MRPS6: variants seen among roughly 807,000 people sequenced by gnomAD.
The protein encoded by MRPS6 is small ribosomal subunit protein bS6m.
MRPS6 carries 6 observed loss-of-function variants against 13.1 expected under a neutral mutation model. That is an observed-to-expected ratio of 0.46 (90% CI 0.25 to 0.91). The LOEUF (loss-of-function observed/expected upper bound fraction) is 0.91. Among genes scored for constraint, MRPS6 ranks in the 40% least tolerant of loss-of-function variants. MRPS6 has a pLI of 0.18. For missense variants in MRPS6, 164 were observed against 155.6 expected (o/e 1.05, Z -0.29); for synonymous variants, 61 against 56.5 (o/e 1.08, Z -0.36).
At chr21:34,099,312 G>A in intron 1 of MRPS6, 1 of 1,000,178 alleles carries the variant, frequency 1.0e-6, no homozygotes, top group Non-Finnish European at 1.2e-6. Context: ...TCTCTTTTGG[G>A]AAGAACAGAA....
intron 1 of MRPS6, chr21:34,105,865 A>T (rs1001139876): frequency 1.0e-6 from 1 of 993,752 alleles, no homozygotes; most frequent in African/African-American, 1.7e-5. Flanking sequence ...GTACAGTTGA[A>T]ATTGTAGATT....
chr21:34,080,525 T>C (rs1989435035), intron 1 of MRPS6, among the ~76,000 whole-genome samples: 1 of 152,196 alleles, frequency 6.6e-6, no homozygotes, highest in Non-Finnish European at 1.5e-5. Flanking sequence ...AAAACCAGTC[T>C]CATGTTCTTC....
intron 2 of MRPS6, among the ~76,000 whole-genome samples, chr21:34,140,223 CT>C (rs1041220314): frequency 1.6e-3 from 228 of 146,510 alleles, no homozygotes; most frequent in Middle Eastern, 3.5e-3. Flanking sequence ...GATTCGAGGC[CT>C]TTTTTTTTTT....
chr21:34,073,930 G>A (rs1469915989), intron 1 of MRPS6, among the ~76,000 whole-genome samples, 185 bp downstream of exon 1: 1 of 145,384 alleles, frequency 6.9e-6, no homozygotes, highest in East Asian at 2.0e-4. Flanking sequence ...GCCGGGCCCG[G>A]CCGCGTGCGC....
At chr21:34,103,089 T>TCAAC in intron 1 of MRPS6, 1 of 1,000,120 alleles carries the variant, frequency 1.0e-6, no homozygotes, top group Non-Finnish European at 1.2e-6. Flanking sequence ...TTTTTGTTGT[T>TCAAC]ATAATTGGAA....
At chr21:34,112,845 A>G (rs1979758596) in intron 1 of MRPS6, among the ~76,000 whole-genome samples, 1 of 152,034 alleles carries the variant, frequency 6.6e-6, no homozygotes, top group African/African-American at 2.4e-5. Context: ...CATTTAACAT[A>G]ATTCAGAGAA....
intron 2 of MRPS6, among the ~76,000 whole-genome samples, chr21:34,134,275 G>GT (rs1980608885): frequency 1.3e-5 from 2 of 152,348 alleles, no homozygotes; most frequent in African/African-American, 4.8e-5. Context: ...AGTTTTCAGA[G>GT]TGAGCCCAAG....
chr21:34,110,493 A>G (rs1258887635), intron 1 of MRPS6, among the ~76,000 whole-genome samples: 2 of 151,118 alleles, frequency 1.3e-5, no homozygotes, highest in African/African-American at 4.9e-5. Context: ...ATTAAAAAGA[A>G]AAAAAAAAGG....
At chr21:34,099,081 A>G in intron 1 of MRPS6, 2 of 999,674 alleles carry the variant, frequency 2.0e-6, no homozygotes, top group African/African-American at 3.5e-5. Flanking sequence ...GTCAGGTAGC[A>G]TAGTGTCTTC....
chr21:34,098,969 T>C, intron 1 of MRPS6: 1 of 986,626 alleles, frequency 1.0e-6, no homozygotes, highest in Non-Finnish European at 1.2e-6. Flanking sequence ...TAAATACTTT[T>C]GTAGATTTTG....
chr21:34,096,456 G>A lies in MRPS6; in HGVS notation c.45+22711G>A, dbSNP rs1440696340. 6.2e-7 allele frequency: 1 copy of A among 1,614,180 alleles called. No individual in the cohort carries two copies. The highest frequency in any genetic ancestry group is 1.1e-5 in the South Asian group (1 of 91,084). On this transcript the variant is annotated intron_variant, in intron 1 of 2. Transcript: ENST00000399312. The surrounding 1 kb of genome is among the most constrained non-coding windows in gnomAD (Gnocchi z 5.9). ...GAGGATATTTGTGGCATTTATGGTG[G>A]TGATCAGCATAGCATGGGTGCCAAT...
chr21:34,097,833 G>A (rs956794100), intron 1 of MRPS6: 1 of 997,586 alleles, frequency 1.0e-6, no homozygotes, highest in African/African-American at 1.7e-5. Flanking sequence ...AAAATCGAAT[G>A]TGCTTGTGTG....
At chr21:34,095,055 C>A in intron 1 of MRPS6, 3 of 957,220 alleles carry the variant, frequency 3.1e-6, no homozygotes, top group Non-Finnish European at 2.8e-6. Context: ...GACAGCAAAC[C>A]AAAGGACAAA....
chr21:34,105,746 T>C (rs1310829241), intron 1 of MRPS6: 2 of 998,308 alleles, frequency 2.0e-6, no homozygotes, highest in Non-Finnish European at 2.4e-6. Flanking sequence ...GTCTACAGCT[T>C]TTTTAATTTT....
Position 34,142,457 on chromosome 21 carries a change from G to GT in MRPS6, c.236dup (p.Glu80GlyfsTer11). 6.2e-7 allele frequency: 1 copy of GT among 1,609,466 alleles called. No individual in the cohort carries two copies. The highest frequency in any genetic ancestry group is 8.5e-7 in the Non-Finnish European group (1 of 1,178,354). ...ACCCACCGCAGCTGTTGAAAGCATG[G>GT]TGGAGCACTTGTCTCGAGATATAGA... On this transcript the variant is annotated frameshift_variant, in exon 3 of 3. Transcript: ENST00000399312. LOFTEE classifies it high-confidence loss of function.
chr21:34,126,560 T>A (rs1980311903), intron 2 of MRPS6, among the ~76,000 whole-genome samples: 3 of 152,244 alleles, frequency 2.0e-5, no homozygotes, highest in African/African-American at 7.2e-5. Flanking sequence ...TCTTCCACAG[T>A]CATAATAACA....
At chr21:34,078,571 A>G (rs1258640293) in intron 1 of MRPS6, among the ~76,000 whole-genome samples, 1 of 152,204 alleles carries the variant, frequency 6.6e-6, no homozygotes. Context: ...TATGCAGACT[A>G]TTGAATCTTC....
At chr21:34,135,346 GTTTTTTTTTTTTTTTTTT>G in intron 2 of MRPS6, 1 of 146,426 alleles carries the variant, frequency 6.8e-6, no homozygotes, top group Non-Finnish European at 1.3e-5. Flanking sequence ...ATGAGAGCCG[GTTTTTTTTTTTTTTTTTT>G]TTTTTTTTGT....
In MRPS6 at chr21:34,142,731, ATT is replaced by A; in HGVS notation, c.*135_*136del. ...AGGTGCTGTTTGATTTTTCTAAGGTATTTTTAGCCCTTGATCCCCTTTGCTTG... is the reference window on the plus strand; with the variant it reads ...AGGTGCTGTTTGATTTTTCTAAGGTATTTAGCCCTTGATCCCCTTTGCTTG... On this transcript the variant is annotated 3_prime_UTR_variant, in exon 3 of 3. Transcript: ENST00000399312. 8.8e-7 allele frequency: 1 copy of A among 1,141,094 alleles called. No individual in the cohort carries two copies. Among genetic ancestry groups the A allele is most frequent in the Non-Finnish European group, 1.2e-6 (1 of 857,148 alleles). 70.7% of individuals were successfully genotyped at this position (1,141,094 alleles called of 1,614,324 possible).
Sources: gnomAD v4.1 joint callset for allele counts (sites outside exome capture counted in the v4.1 genomes callset) on GRCh38, gnomAD v4.1.1 for gene constraint, Gnocchi (gnomAD v3.1) non-coding constraint, MANE v1.5 for transcripts, NCBI Gene and HGNC (gene_info 2026-07-23, HGNC 2026-07-21) for gene names.